Variants in UPF2 observed in about 807,000 individuals in gnomAD.
UPF2 encodes the protein UPF2 regulator of nonsense mediated mRNA decay.
In UPF2, 17 loss-of-function variants were observed where a neutral mutation model predicts 141.4. That is an observed-to-expected ratio of 0.12 (90% confidence interval 0.08 to 0.18). The LOEUF (loss-of-function observed/expected upper bound fraction) is 0.18, where lower values mean the gene tolerates loss of function less well. Ranked by LOEUF, UPF2 falls within the 10% of genes least tolerant of loss-of-function variation. UPF2 has a pLI of 1.00. For synonymous variants in UPF2, 540 were observed against 498.0 expected, an observed-to-expected ratio of 1.08 and a Z score of -1.12; for missense variants, 1,152 against 1,515.9, an observed-to-expected ratio of 0.76 and a Z score of 3.99.
At chr10:11,942,928 G>C (rs1405143049) in intron 17 of UPF2, 136 bp downstream of exon 17, 2 of 928,704 alleles carry the variant, frequency 2.2e-6, no homozygotes, top group Non-Finnish European at 3.2e-6. Context: ...AAATGGTTAG[G>C]AAAACAAATT....
In UPF2 at chr10:12,042,120, T is replaced by C. The variant is rs1834746526; in HGVS notation, c.-19+635A>G. ...ACAGCCCATGCCCACCATCCCCAGA[T>C]ACACCCCAAGCCCCTTCCCCTACAC... is the stretch of plus-strand genomic sequence containing the variant. On this transcript the variant is annotated intron_variant, in intron 1 of 21. Coordinates refer to ENST00000357604, the MANE Select transcript of UPF2 (RefSeq NM_015542.4). The surrounding 1 kb of genome is among the most constrained non-coding windows in gnomAD (Gnocchi z 5.5). 6.6e-6 allele frequency among the ~76,000 whole-genome samples: 1 copy of C among 151,256 alleles called. No individual in the cohort carries two copies.
Position 11,936,501 on chromosome 10 carries a change from A to G in UPF2, c.3546+44T>C. Reference sequence around the variant, plus strand: ...CAAAGATAAGTTAAAACCTAACTGTATAACTCACAATCAGCTATAATTACA... The same window carrying G: ...CAAAGATAAGTTAAAACCTAACTGTGTAACTCACAATCAGCTATAATTACA... On this transcript the variant is annotated intron_variant, in intron 19 of 21. Coordinates refer to ENST00000357604, the MANE Select transcript of UPF2 (RefSeq NM_015542.4). This position sits in a 1 kb window ranked among gnomAD's most constrained non-coding sequence, Gnocchi z 6.6. The G allele has an allele frequency of 2.6e-6, 4 of 1,542,760 alleles. No homozygotes were observed. Among genetic ancestry groups the G allele is most frequent in the Non-Finnish European group, 3.5e-6 (4 of 1,144,814 alleles).
chr10:11,930,730 C>T (rs918440487), intron 20 of UPF2, among the ~76,000 whole-genome samples: 1 of 152,114 alleles, frequency 6.6e-6, no homozygotes, highest in Non-Finnish European at 1.5e-5. Flanking sequence ...GCAGTGATTG[C>T]GCCACTGCAC....
intron 3 of UPF2, among the ~76,000 whole-genome samples, chr10:12,017,883 C>T (rs1041569491): frequency 6.6e-6 from 1 of 152,088 alleles, no homozygotes; most frequent in Non-Finnish European, 1.5e-5. Context: ...CTAATGTTAT[C>T]CCTCCCCTGG....
chr10:12,000,518 G>A (rs1191616553), intron 6 of UPF2, among the ~76,000 whole-genome samples: 1 of 152,190 alleles, frequency 6.6e-6, no homozygotes, highest in African/African-American at 2.4e-5. Context: ...GATGGCTCAT[G>A]CCTATAATGC....
chr10:11,971,828 C>A (rs1002484106), intron 9 of UPF2, among the ~76,000 whole-genome samples: 8 of 152,088 alleles, frequency 5.3e-5, no homozygotes, highest in African/African-American at 1.9e-4. Context: ...CTTTGGGAGT[C>A]CAAGGCAGGC....
rs371235287 is a variant in UPF2, at chr10:12,001,784, C to G, written c.1546G>C (p.Asp516His). ...SKENKEVSSP[D>H]DLELELENLE... is the part of the protein sequence containing the mutation. ...TTCTCCAACTCAAGTTCCAAATCAT[C>G]GGGACTTGATACCTCCTTATTCTCC... Residue 516 changes from aspartate to histidine, a missense_variant, in exon 6 of 22, where the codon GAT (aspartate) becomes CAT (histidine). Physicochemically the swap from Asp to His is moderately conservative, Grantham distance 81. Around this residue, in one of 4 missense-constraint regions of UPF2, gnomAD observed 739 missense variants for 1,032.2 expected, o/e 0.72. Coordinates refer to ENST00000357604, the MANE Select transcript of UPF2 (RefSeq NM_015542.4). The G allele has an allele frequency of 1.9e-6, 3 of 1,611,550 alleles. No individual in the cohort carries two copies. Among genetic ancestry groups the G allele is most frequent in the Admixed American group, 1.7e-5 (1 of 59,712 alleles).
At chr10:11,952,031 T>C (rs903395500) in intron 15 of UPF2, 35 bp downstream of exon 15, 2 of 1,595,544 alleles carry the variant, frequency 1.3e-6, no homozygotes, top group South Asian at 2.2e-5. Flanking sequence ...CTGCCAAATA[T>C]CACCTTCATT....
Position 11,920,217 on chromosome 10 carries a change from T to C in UPF2, c.*1081A>G, listed in dbSNP as rs1321681972. 1 of 152,180 alleles carries C rather than the reference T, an allele frequency of 6.6e-6. No individual in the cohort carries two copies. Among genetic ancestry groups the C allele is most frequent in the East Asian group, 1.9e-4 (1 of 5,208 alleles). The allele number at this position is 152,180 out of a possible 1,614,324, so 9.4% of individuals were successfully genotyped here. ...AAAAAGATGTAATCAAGTTGTCGCATACAGATGTGCTCTCCGACTAAATAT... is the reference window on the plus strand; with the variant it reads ...AAAAAGATGTAATCAAGTTGTCGCACACAGATGTGCTCTCCGACTAAATAT... On this transcript the variant is annotated 3_prime_UTR_variant, in exon 22 of 22. Transcript: ENST00000357604.
chr10:11,966,462 T>A (rs554548727), intron 10 of UPF2, among the ~76,000 whole-genome samples: 1 of 152,360 alleles, frequency 6.6e-6, no homozygotes, highest in Admixed American at 6.5e-5. Flanking sequence ...TTCACTCTTG[T>A]TACCCAGACT....
At chr10:12,023,702 A>AT (rs1364490649) in intron 3 of UPF2, among the ~76,000 whole-genome samples, 1 of 140,392 alleles carries the variant, frequency 7.1e-6, no homozygotes, top group Non-Finnish European at 1.6e-5. Flanking sequence ...AAAAAAAAAA[A>AT]GATATTGGCC....
intron 8 of UPF2, among the ~76,000 whole-genome samples, chr10:11,994,975 C>CAAAAAAAAAAAAAAAAAAAAAAA (rs60922532): frequency 3.9e-5 from 2 of 51,360 alleles, no homozygotes; most frequent in Non-Finnish European, 6.0e-5. Flanking sequence ...GACTCCATCT[C>CAAAAAAAAAAAAAAAAAAAAAAA]AAAAAAAAAA....
At chr10:11,996,495 G>A (rs766334389) in intron 8 of UPF2, among the ~76,000 whole-genome samples, 1 of 151,888 alleles carries the variant, frequency 6.6e-6, no homozygotes, top group Non-Finnish European at 1.5e-5. Context: ...ATGGGCATGC[G>A]CCACCACACC....
intron 8 of UPF2, among the ~76,000 whole-genome samples, chr10:11,994,395 C>A (rs1286364086): frequency 2.0e-5 from 3 of 152,098 alleles, no homozygotes; most frequent in Non-Finnish European, 2.9e-5. Context: ...AAATAAGAAT[C>A]TATAATTGTA....
In UPF2 at chr10:12,037,402, CTTTTTTTTT is replaced by C. The variant is rs59226793; in HGVS notation, c.-18-1970_-18-1962del. Among the ~76,000 whole-genome samples, 79 of 122,286 alleles carry C rather than the reference CTTTTTTTTT, an allele frequency of 6.5e-4. No homozygotes were observed. In the Admixed American group the frequency reaches 6.6e-3, roughly 10 times the overall value. The allele number at this position is 122,286 out of a possible 152,430, so 80.2% of individuals were successfully genotyped here. ...TTTGAGCTTTAGTGTTTTTGTTTTT[CTTTTTTTTT>C]TTTTTTTTGAGTCTCGCTCTGTTGC... On this transcript the variant is annotated intron_variant, in intron 1 of 21. Transcript: ENST00000357604.
chr10:11,978,683 TAAAG>T (rs1833545257), intron 9 of UPF2, among the ~76,000 whole-genome samples: 2 of 152,156 alleles, frequency 1.3e-5, no homozygotes, highest in South Asian at 4.1e-4. Context: ...CCCAAGCACC[TAAAG>T]AAGCATATCC....
chr10:12,041,618 C>T (rs1264397042), intron 1 of UPF2, among the ~76,000 whole-genome samples: 1 of 152,152 alleles, frequency 6.6e-6, no homozygotes, highest in Non-Finnish European at 1.5e-5. Flanking sequence ...GAAAACACTC[C>T]AGTATGAGAG....
intron 18 of UPF2, among the ~76,000 whole-genome samples, chr10:11,938,868 T>TTTTTTTTTTTTTTTTTTTTTTGTTTTG (rs1832897282): frequency 2.2e-5 from 2 of 90,822 alleles, no homozygotes; most frequent in African/African-American, 7.4e-5. Flanking sequence ...TTTTTTTTTT[T>TTTTTTTTTTTTTTTTTTTTTTGTTTTG]TTTTTTTTTT....
At position 11,964,017 on chromosome 10, in the gene UPF2, C is replaced by T; in HGVS notation, c.2176G>A (p.Val726Ile). 6.2e-7 allele frequency: 1 copy of T among 1,612,644 alleles called. No homozygotes were observed. Among genetic ancestry groups the T allele is most frequent in the East Asian group, 2.2e-5 (1 of 44,858 alleles). ...RSPESHLRTS[V>I]LLEQMMRKKQ... ...CATCCTCAAGCCCTTACCAAAAGTA[C>T]ACTGGTCCTCAGGTGAGATTCTGGA... Residue 726 changes from valine (V) to isoleucine (I), a missense_variant, in exon 11 of 22, where the codon GTA becomes ATA. Physicochemically the swap from Val to Ile is conservative, Grantham distance 29. Around this residue, in one of 4 missense-constraint regions of UPF2, gnomAD observed 739 missense variants for 1,032.2 expected, o/e 0.72. Transcript: ENST00000357604.
Sources: allele counts gnomAD v4.1 joint callset (sites outside exome capture counted in the v4.1 genomes callset), GRCh38; gene constraint gnomAD v4.1.1; regional missense constraint gnomAD v4.1.1; non-coding constraint Gnocchi (gnomAD v3.1); transcripts MANE v1.5; gene names NCBI Gene and HGNC (gene_info 2026-07-23, HGNC 2026-07-21).